The following CACNA2D3 variants were observed in gnomAD, a reference collection of about 807,000 sequenced individuals.
CACNA2D3 encodes calcium voltage-gated channel auxiliary subunit alpha2delta 3.
Under a neutral mutation model 160.6 loss-of-function variants are expected in CACNA2D3, and 60 were observed. That is an observed-to-expected ratio of 0.37 (90% CI 0.30 to 0.46). The LOEUF (loss-of-function observed/expected upper bound fraction) is 0.46. Among genes scored for constraint, CACNA2D3 ranks in the 20% least tolerant of loss-of-function variants. The pLI is 1.00. For missense variants in CACNA2D3, 1,205 were observed against 1,365.0 expected (o/e 0.88, Z 1.85); for synonymous variants, 558 against 492.9 (o/e 1.13, Z -1.75).
chr3:54,438,872 T>C (rs753403668), intron 4 of CACNA2D3, among the ~76,000 whole-genome samples: 3 of 152,228 alleles, frequency 2.0e-5, no homozygotes, highest in Non-Finnish European at 4.4e-5. Context: ...TGGTAGAATA[T>C]ACATTTTGTT....
intron 2 of CACNA2D3, among the ~76,000 whole-genome samples, chr3:54,231,325 CT>C (rs1480272955): frequency 2.0e-5 from 3 of 152,194 alleles, no homozygotes; most frequent in African/African-American, 7.2e-5. Flanking sequence ...ACTCTGCCAG[CT>C]AATTTCATGG....
At chr3:54,223,679 C>CT (rs1701616063) in intron 2 of CACNA2D3, among the ~76,000 whole-genome samples, 1 of 151,862 alleles carries the variant, frequency 6.6e-6, no homozygotes, top group African/African-American at 2.4e-5. Context: ...CATGGTGAAA[C>CT]CCCGTCTCTA....
intron 4 of CACNA2D3, among the ~76,000 whole-genome samples, chr3:54,454,326 C>T (rs532539915): frequency 9.9e-5 from 15 of 152,200 alleles, no homozygotes; most frequent in African/African-American, 2.2e-4. Context: ...TCATTACAAA[C>T]GACATTTCCC....
chr3:54,903,936 C>G (rs1299162073), intron 27 of CACNA2D3, among the ~76,000 whole-genome samples: 2 of 152,056 alleles, frequency 1.3e-5, no homozygotes. Flanking sequence ...TGTTTAAGTT[C>G]CTTATAGATA....
intron 5 of CACNA2D3, among the ~76,000 whole-genome samples, chr3:54,540,436 G>T (rs1701954029): frequency 6.6e-6 from 1 of 152,108 alleles, no homozygotes; most frequent in Non-Finnish European, 1.5e-5. Flanking sequence ...TGGGCATTTT[G>T]AATTTGATAT....
chr3:54,816,182 C>A (rs1267134297), intron 13 of CACNA2D3, among the ~76,000 whole-genome samples: 1 of 152,160 alleles, frequency 6.6e-6, no homozygotes. Context: ...ATGCACAAAT[C>A]CTGGTGCATA....
At chr3:54,145,463 T>C (rs1231701724) in intron 2 of CACNA2D3, among the ~76,000 whole-genome samples, 1 of 152,222 alleles carries the variant, frequency 6.6e-6, no homozygotes, top group African/African-American at 2.4e-5. Flanking sequence ...GCAGTTTTTT[T>C]CTTTTAGGGA....
rs114593353 is a variant in CACNA2D3 at position 54,193,899 on chromosome 3, C to A, written c.204+70305C>A. Reference sequence around the variant, plus strand: ...TTTCTCACCTGCAAAATGGGAAGAACACTATCTGCCTCACTGGGATGTTGA... The same window carrying A: ...TTTCTCACCTGCAAAATGGGAAGAAAACTATCTGCCTCACTGGGATGTTGA... On this transcript the variant is annotated intron_variant, in intron 2 of 37. Coordinates refer to ENST00000474759, the MANE Select transcript of CACNA2D3 (RefSeq NM_018398.3). Among the ~76,000 whole-genome samples, 1,416 of 152,328 alleles carry A rather than the reference C, an allele frequency of 9.3e-3. 14 individuals carry two copies. Among genetic ancestry groups the A allele is most frequent in the Middle Eastern group, 0.061 (18 of 294 alleles).
intron 17 of CACNA2D3, among the ~76,000 whole-genome samples, chr3:54,847,955 A>G (rs1269698691): frequency 2.0e-5 from 3 of 152,222 alleles, no homozygotes; most frequent in African/African-American, 7.2e-5. Context: ...CAAATCTTCT[A>G]CCAGTAAATG....
chr3:54,692,896 T>C (rs936886323), intron 11 of CACNA2D3, among the ~76,000 whole-genome samples: 3 of 152,180 alleles, frequency 2.0e-5, no homozygotes, highest in Admixed American at 2.0e-4. Flanking sequence ...ACCCAGCAAG[T>C]GCCTGAAGAA....
At chr3:54,543,249 G>A (rs111381283) in intron 5 of CACNA2D3, among the ~76,000 whole-genome samples, 28 of 152,294 alleles carry the variant, frequency 1.8e-4, no homozygotes, top group African/African-American at 4.3e-4. Flanking sequence ...CAAAAAGGTC[G>A]GAGGGTGGCG....
intron 35 of CACNA2D3, among the ~76,000 whole-genome samples, chr3:55,051,529 A>G (rs1456822724): frequency 1.3e-5 from 2 of 151,784 alleles, no homozygotes; most frequent in Non-Finnish European, 2.9e-5. Flanking sequence ...AGGGACATTT[A>G]AGTCTGCAGA....
At chr3:54,701,535 G>A (rs544547783) in intron 11 of CACNA2D3, among the ~76,000 whole-genome samples, 2 of 152,068 alleles carry the variant, frequency 1.3e-5, no homozygotes, top group East Asian at 1.9e-4. Flanking sequence ...TACAGCTACC[G>A]AGGGAGGTGA....
chr3:54,149,725 C>T (rs974927330), intron 2 of CACNA2D3, among the ~76,000 whole-genome samples: 2 of 152,030 alleles, frequency 1.3e-5, no homozygotes, highest in Non-Finnish European at 2.9e-5. Flanking sequence ...AGCTCGGTCC[C>T]CAGTGTGATG....
intron 2 of CACNA2D3, among the ~76,000 whole-genome samples, chr3:54,161,538 A>G (rs1164454250): frequency 6.6e-6 from 1 of 152,232 alleles, no homozygotes; most frequent in Non-Finnish European, 1.5e-5. Flanking sequence ...TGAATGGCAT[A>G]TATGCTGACA....
chr3:54,693,570 T>G (rs1184188270), intron 11 of CACNA2D3, among the ~76,000 whole-genome samples: 1 of 152,204 alleles, frequency 6.6e-6, no homozygotes, highest in Non-Finnish European at 1.5e-5. Context: ...AAAAGAAAAT[T>G]TAGCTGTAAC....
In CACNA2D3 at chr3:54,122,773, C is replaced by T; in HGVS notation, c.60C>T (p.Ala20=). 1 of 1,228,354 alleles carries T rather than the reference C, an allele frequency of 8.1e-7. No individual in the cohort carries two copies. The highest frequency in any genetic ancestry group is 1.0e-6 in the Non-Finnish European group (1 of 981,816). The allele number at this position is 1,228,354 out of a possible 1,614,324, so 76.1% of individuals were successfully genotyped here. A position where few individuals can be genotyped will look rare whatever the true frequency, so the allele number is the denominator to read the frequency against. Residue 20 remains alanine, a synonymous_variant, in exon 1 of 38, where the codon GCC becomes GCT. Transcript: ENST00000474759. ...ASRGASALLA[A]ALLYAALGDV... The stretch of plus-strand genomic sequence containing the variant: ...GGGGGGCCTCGGCGCTTCTCGCTGC[C>T]GCGCTTCTCTACGCCGCGCTGGGGG...
At chr3:54,433,737 T>C (rs902349719) in intron 4 of CACNA2D3, among the ~76,000 whole-genome samples, 5 of 152,068 alleles carry the variant, frequency 3.3e-5, no homozygotes, top group African/African-American at 1.2e-4. Context: ...ATGAACAGAG[T>C]GCTCCAGAAG....
chr3:54,798,275 C>G (rs1383986068), intron 13 of CACNA2D3, among the ~76,000 whole-genome samples: 2 of 152,168 alleles, frequency 1.3e-5, no homozygotes, highest in East Asian at 3.9e-4. Flanking sequence ...TGGCCCACAC[C>G]TGTAATCCCA....
Sources: gnomAD v4.1 joint callset for allele counts (sites outside exome capture counted in the v4.1 genomes callset) on GRCh38, gnomAD v4.1.1 for gene constraint, MANE v1.5 for transcripts, NCBI Gene and HGNC (gene_info 2026-07-23, HGNC 2026-07-21) for gene names.